The following DOCK1 variants were observed in gnomAD, a reference collection of about 807,000 sequenced individuals.
The protein encoded by DOCK1 is dedicator of cytokinesis protein 1.
In DOCK1, 138 loss-of-function variants were observed where a neutral mutation model predicts 262.7. That is an observed-to-expected ratio of 0.53 (90% CI 0.46 to 0.61). The LOEUF is 0.61. Among genes scored for constraint, DOCK1 ranks in the 20% least tolerant of loss-of-function variants. The pLI is 0.00. For synonymous variants in DOCK1, 866 were observed against 867.4 expected (o/e 1.00, Z 0.03); for missense variants, 1,908 against 2,370.7 (o/e 0.80, Z 4.05).
Position 126,911,374 on chromosome 10 carries a change from G to A in DOCK1, c.46+5811G>A, listed in dbSNP as rs1349164776. ...GTGCTGGTGGGAGCGCTGTATGAGC[G>A]GGTCCACTGAGCTGTGAAATTGTCC... On this transcript the variant is annotated intron_variant, in intron 1 of 51. Coordinates refer to ENST00000623213, the MANE Select transcript of DOCK1 (RefSeq NM_001290223.2). Among the ~76,000 whole-genome samples the A allele has an allele frequency of 4.6e-5, 7 of 152,154 alleles. No individual in the cohort carries two copies. The East Asian group carries it at 7.7e-4, about 17-fold the overall frequency.
At chr10:127,098,952 A>G (rs887374892) in intron 23 of DOCK1, among the ~76,000 whole-genome samples, 1 of 151,866 alleles carries the variant, frequency 6.6e-6, no homozygotes, top group Non-Finnish European at 1.5e-5. Context: ...AACACTTGAA[A>G]CTCTGACAAA....
intron 27 of DOCK1, among the ~76,000 whole-genome samples, chr10:127,187,822 C>G (rs1455227389): frequency 6.6e-6 from 1 of 152,196 alleles, no homozygotes; most frequent in South Asian, 2.1e-4. Context: ...ATATTGGTCT[C>G]TACCCCAGTC....
intron 14 of DOCK1, among the ~76,000 whole-genome samples, chr10:127,023,887 A>C (rs1591706211): frequency 6.6e-6 from 1 of 152,330 alleles, no homozygotes; most frequent in Non-Finnish European, 1.5e-5. Context: ...GAAGGCCCTA[A>C]GAAATCAATT....
intron 23 of DOCK1, among the ~76,000 whole-genome samples, chr10:127,068,054 TAGAG>T (rs761305402): frequency 3.1e-4 from 47 of 152,160 alleles, no homozygotes; most frequent in African/African-American, 1.0e-3. Flanking sequence ...CTGGCTTTCT[TAGAG>T]AGGAGCTGTG....
intron 27 of DOCK1, among the ~76,000 whole-genome samples, chr10:127,151,114 A>T (rs913728139): frequency 1.3e-5 from 2 of 152,224 alleles, no homozygotes; most frequent in Non-Finnish European, 2.9e-5. Flanking sequence ...CTCTTCCTGC[A>T]GACCTCAGAA....
rs145316314 is a variant in DOCK1 at position 127,014,793 on chromosome 10, C to T, written c.1201+2419C>T. 4.7e-3 allele frequency: 721 copies of T among 152,452 alleles called. 2 individuals are homozygous for T. The highest frequency in any genetic ancestry group is 0.02 in the Middle Eastern group (6 of 294). 9.4% of individuals were successfully genotyped at this position (152,452 alleles called of 1,614,324 possible). On this transcript the variant is annotated intron_variant, in intron 12 of 51. Transcript: ENST00000623213. ...GGGTCTGGGCTTTGGTTTGCTCTCC[C>T]GGAGGCCAGGGCTGGGGGTTAGGGT...
At chr10:127,017,099 ACACACCAACACAT>A (rs1464028005) in intron 12 of DOCK1, among the ~76,000 whole-genome samples, 27 of 140,880 alleles carry the variant, frequency 1.9e-4, no homozygotes, top group East Asian at 6.4e-4. Flanking sequence ...ACAAACACAT[ACACACCAACACAT>A]GATACACCAT....
chr10:127,020,292 A>G (rs879851867), intron 13 of DOCK1, among the ~76,000 whole-genome samples: 1 of 152,204 alleles, frequency 6.6e-6, no homozygotes, highest in African/African-American at 2.4e-5. Context: ...GCAATTGGCA[A>G]TATGCATTTA....
At chr10:126,962,253 C>G (rs1162654988) in intron 1 of DOCK1, among the ~76,000 whole-genome samples, 1 of 152,028 alleles carries the variant, frequency 6.6e-6, no homozygotes, top group Admixed American at 6.6e-5. Flanking sequence ...TCCGCCTCCC[C>G]GGTTCGAACA....
At position 127,274,153 on chromosome 10, in the gene DOCK1, T is replaced by C. The variant is rs1370278284; in HGVS notation, c.3044+16724T>C. The stretch of plus-strand genomic sequence containing the variant: ...GCATGATGAAGTGAGTTTCGAATAC[T>C]GACAGAAACGGTAGAGAAAGGGCAT... On this transcript the variant is annotated intron_variant, in intron 29 of 51. Transcript: ENST00000623213. Among the ~76,000 whole-genome samples the C allele has an allele frequency of 2.0e-5, 3 of 152,292 alleles. No homozygotes were observed. In the East Asian group the frequency reaches 5.8e-4, roughly 29 times the overall value.
At chr10:126,938,869 G>A (rs1329111723) in intron 1 of DOCK1, among the ~76,000 whole-genome samples, 17 of 107,974 alleles carry the variant, frequency 1.6e-4, no homozygotes, top group Non-Finnish European at 2.4e-4. Context: ...ATGAGCACTG[G>A]AGGGGATGAA....
chr10:127,248,754 A>G (rs953544119), intron 28 of DOCK1, among the ~76,000 whole-genome samples: 4 of 152,218 alleles, frequency 2.6e-5, no homozygotes, highest in Non-Finnish European at 4.4e-5. Flanking sequence ...GAACTCTAAG[A>G]TTCCATTTCT....
At chr10:127,114,219 C>T (rs527349951) in intron 25 of DOCK1, among the ~76,000 whole-genome samples, 1 of 152,226 alleles carries the variant, frequency 6.6e-6, no homozygotes, top group Non-Finnish European at 1.5e-5. Flanking sequence ...CTAGCGCATG[C>T]CTGGCTTCAG....
At chr10:127,380,655 G>A (rs2065776486) in intron 36 of DOCK1, among the ~76,000 whole-genome samples, 1 of 152,106 alleles carries the variant, frequency 6.6e-6, no homozygotes, top group East Asian at 1.9e-4. Context: ...CTGTGATTGA[G>A]CCCTTCTCTC....
chr10:127,009,913 G>T (rs2041303400), intron 11 of DOCK1, among the ~76,000 whole-genome samples: 1 of 152,148 alleles, frequency 6.6e-6, no homozygotes, highest in Non-Finnish European at 1.5e-5. Context: ...GCTAAGACAG[G>T]AAGAGTATGG....
intron 30 of DOCK1, 133 bp from the exon 31 acceptor site, chr10:127,343,513 T>A: frequency 2.7e-6 from 2 of 728,400 alleles, no homozygotes; most frequent in Non-Finnish European, 4.4e-6. Context: ...GCAACATGTA[T>A]AGAGTGAGTG....
chr10:126,933,639 A>G (rs1220549870), intron 1 of DOCK1, among the ~76,000 whole-genome samples: 1 of 152,096 alleles, frequency 6.6e-6, no homozygotes, highest in African/African-American at 2.4e-5. Flanking sequence ...GAGCAGGAGG[A>G]CATACATGCA....
intron 23 of DOCK1, among the ~76,000 whole-genome samples, chr10:127,098,290 G>C (rs1478463986): frequency 6.6e-6 from 1 of 152,116 alleles, no homozygotes; most frequent in Non-Finnish European, 1.5e-5. Flanking sequence ...TTGTGATTTG[G>C]GAACTGATTC....
intron 23 of DOCK1, among the ~76,000 whole-genome samples, chr10:127,064,693 G>A (rs897871285): frequency 6.6e-6 from 1 of 152,200 alleles, no homozygotes; most frequent in Non-Finnish European, 1.5e-5. Context: ...CCGTCCCTCA[G>A]TGAATGGCCC....
Sources: gnomAD v4.1 joint callset for allele counts (sites outside exome capture counted in the v4.1 genomes callset) on GRCh38, gnomAD v4.1.1 for gene constraint, MANE v1.5 for transcripts, NCBI Gene and HGNC (gene_info 2026-07-23, HGNC 2026-07-21) for gene names.